FUT8: variants seen among roughly 807,000 people sequenced by gnomAD.
FUT8 encodes the protein fucosyltransferase 8.
Under a neutral mutation model 71.3 loss-of-function variants are expected in FUT8, and 29 were observed. The observed-to-expected ratio is 0.41, with a 90% CI of 0.30 to 0.55. The LOEUF (loss-of-function observed/expected upper bound fraction) is 0.55, where lower values mean the gene tolerates loss of function less well. FUT8 is among the 20% of genes least tolerant of loss of function. The pLI, the probability that FUT8 is intolerant of heterozygous loss-of-function variation, is 0.34. For missense variants in FUT8, 544 were observed against 702.1 expected, an observed-to-expected ratio of 0.77 and a Z score of 2.55; for synonymous variants, 254 against 239.3, an observed-to-expected ratio of 1.06 and a Z score of -0.57.
the FUT8 span, among the ~76,000 whole-genome samples, chr14:65,369,600 C>A: frequency 5.3e-5 from 8 of 152,182 alleles, no homozygotes; most frequent in African/African-American, 1.9e-4. The surrounding 1 kb of genome is among the most constrained non-coding windows in gnomAD (Gnocchi z 4.6). Flanking sequence ...ACAAAAGTGA[C>A]CTCTGGTCCT....
In FUT8 at chr14:65,489,425, A is replaced by G. The variant is rs2066453081; in HGVS notation, c.-228+33707A>G. Among the ~76,000 whole-genome samples, 1 of 152,150 alleles carries G rather than the reference A, an allele frequency of 6.6e-6. No homozygotes were observed. Among genetic ancestry groups the G allele is most frequent in the South Asian group, 2.1e-4 (1 of 4,828 alleles). ...TTAGCCTTTTTTATTTCTCCCTAAA[A>G]GTATTGATGTTTTTATAGGAATCTC... On this transcript the variant is annotated intron_variant, in intron 2 of 10. Transcript: ENST00000673929. The surrounding 1 kb of genome is among the most constrained non-coding windows in gnomAD (Gnocchi z 4.0).
At chr14:65,478,622 G>A (rs1470359495) in intron 2 of FUT8, among the ~76,000 whole-genome samples, 1 of 152,108 alleles carries the variant, frequency 6.6e-6, no homozygotes, top group Non-Finnish European at 1.5e-5. Context: ...ACTAGGCTGG[G>A]TGGCTCTAGC....
chr14:65,616,037 A>G lies in FUT8; in HGVS notation c.263A>G (p.Glu88Gly). 6.2e-7 allele frequency: 1 copy of G among 1,614,086 alleles called. No individual in the cohort carries two copies. Among genetic ancestry groups the G allele is most frequent in the Middle Eastern group, 1.6e-4 (1 of 6,062 alleles). ...ATAGGAAGAGTACGCGTTTTAGAAG[A>G]GCAGCTTGTTAAGGCCAAAGAACAG... Reference protein sequence around the residue: ...PAIGRVRVLEEQLVKAKEQIE... With the variant: ...PAIGRVRVLEGQLVKAKEQIE... The change falls in exon 4 of 11, where the codon GAG becomes GGG. Residue 88 changes from glutamate (E) to glycine (G), a missense_variant. Transcript: ENST00000673929.
intron 3 of FUT8, among the ~76,000 whole-genome samples, chr14:65,582,347 A>C (rs1332793756): frequency 6.6e-6 from 1 of 152,154 alleles, no homozygotes; most frequent in Admixed American, 6.5e-5. Context: ...AGACAAATTT[A>C]TAATGTTGGC....
intron 2 of FUT8, among the ~76,000 whole-genome samples, chr14:65,465,187 G>A (rs1294628136): frequency 2.6e-5 from 4 of 151,984 alleles, no homozygotes; most frequent in African/African-American, 9.7e-5. Flanking sequence ...GTTTTCTTCT[G>A]CTTCCTTTGG....
chr14:65,396,269 C>T, the FUT8 span, among the ~76,000 whole-genome samples: 87,250 of 151,984 alleles, frequency 0.57, 25,427 homozygotes, highest in East Asian at 0.77. The surrounding 1 kb of genome is among the most constrained non-coding windows in gnomAD (Gnocchi z 5.5). Flanking sequence ...TCTTTATAGC[C>T]GCACCCCACT....
chr14:65,447,303 A>C (rs1030670923), intron 1 of FUT8, among the ~76,000 whole-genome samples: 4 of 151,972 alleles, frequency 2.6e-5, no homozygotes, highest in East Asian at 1.9e-4. Flanking sequence ...AAAAAAAAAA[A>C]AAAACCCAAA....
chr14:65,635,193 G>A lies in FUT8; in HGVS notation c.597+5587G>A, dbSNP rs1023381849. The stretch of plus-strand genomic sequence containing the variant: ...CTACTGATTTGTGTATGTTAATGTT[G>A]TTTCCGTAAACTCTACTGAATTCTT... On this transcript the variant is annotated intron_variant, in intron 6 of 10. Coordinates refer to ENST00000673929, the MANE Select transcript of FUT8 (RefSeq NM_001371533.1). 2.6e-5 allele frequency among the ~76,000 whole-genome samples: 4 copies of A among 152,210 alleles called. No individual in the cohort carries two copies. The East Asian group carries it at 7.7e-4, about 29-fold the overall frequency.
chr14:65,488,010 A>G (rs1248500683), intron 2 of FUT8, among the ~76,000 whole-genome samples: 1 of 151,992 alleles, frequency 6.6e-6, no homozygotes, highest in African/African-American at 2.4e-5. Flanking sequence ...TTTTTTAGAC[A>G]TGGGTCTTGC....
At chr14:65,581,323 A>G (rs972835012) in intron 3 of FUT8, among the ~76,000 whole-genome samples, 29 of 152,118 alleles carry the variant, frequency 1.9e-4, no homozygotes, top group African/African-American at 7.0e-4. Context: ...TCATAACAGA[A>G]TAAGAAGACT....
chr14:65,475,728 C>G (rs1476992297), intron 2 of FUT8, among the ~76,000 whole-genome samples: 1 of 151,644 alleles, frequency 6.6e-6, no homozygotes, highest in African/African-American at 2.4e-5. Flanking sequence ...AGCTCAGGCT[C>G]TATATGGTAG....
rs1262466417 is a variant in FUT8, at chr14:65,574,910, A to G, written c.203+13144A>G. Among the ~76,000 whole-genome samples, 1 of 152,162 alleles carries G rather than the reference A, an allele frequency of 6.6e-6. No individual in the cohort carries two copies. The highest frequency in any genetic ancestry group is 1.5e-5 in the Non-Finnish European group (1 of 68,032). On this transcript the variant is annotated intron_variant, in intron 3 of 10. Transcript: ENST00000673929. The surrounding 1 kb of genome is among the most constrained non-coding windows in gnomAD (Gnocchi z 5.2). ...TGGCTTGAAGGCAGGGTTGCTGAAC[A>G]GATACTTCATTTATTTCGTTGATGT...
At chr14:65,363,390 G>T in the FUT8 span, among the ~76,000 whole-genome samples, 1 of 151,918 alleles carries the variant, frequency 6.6e-6, no homozygotes, top group African/African-American at 2.4e-5. Flanking sequence ...CAAAGTGCTG[G>T]GATTACAGGC....
chr14:65,580,369 T>C lies in FUT8; in HGVS notation c.203+18603T>C, dbSNP rs144603242. 3.3e-3 allele frequency among the ~76,000 whole-genome samples: 497 copies of C among 151,748 alleles called. 19 individuals are homozygous for C. In the East Asian group the frequency reaches 0.08, roughly 24 times the overall value. On this transcript the variant is annotated intron_variant, in intron 3 of 10. Coordinates refer to ENST00000673929, the MANE Select transcript of FUT8 (RefSeq NM_001371533.1). The stretch of plus-strand genomic sequence containing the variant: ...AAGGTACAGTAAAAATATAATCTTG[T>C]GGGCCTACTGTTATATATGCGGTCC...
intron 2 of FUT8, among the ~76,000 whole-genome samples, chr14:65,487,958 G>C (rs902302113): frequency 6.6e-6 from 1 of 152,124 alleles, no homozygotes; most frequent in Non-Finnish European, 1.5e-5. Context: ...CTCCTGAGTA[G>C]CTAGGACTAC....
In FUT8 at chr14:65,631,243, C is replaced by G. The variant is rs1192974314; in HGVS notation, c.597+1637C>G. On this transcript the variant is annotated intron_variant, in intron 6 of 10. Coordinates refer to ENST00000673929, the MANE Select transcript of FUT8 (RefSeq NM_001371533.1). ...TTTAAAATGGAAATAACTGTGGTTT[C>G]TGAGCTTCCTCCATTTCCTCTTATT... 2.6e-5 allele frequency among the ~76,000 whole-genome samples: 4 copies of G among 152,332 alleles called. No individual in the cohort carries two copies. The East Asian group carries it at 7.7e-4, about 29-fold the overall frequency.
intron 7 of FUT8, among the ~76,000 whole-genome samples, chr14:65,692,284 C>T (rs1893661539): frequency 6.6e-6 from 1 of 151,214 alleles, no homozygotes. Flanking sequence ...AGAGGGGCTC[C>T]TCACTTCCCA....
intron 3 of FUT8, among the ~76,000 whole-genome samples, chr14:65,602,339 TCTCTCACACACACACACA>T (rs55708319): frequency 0.27 from 23,999 of 88,078 alleles, 4,197 homozygotes; most frequent in Non-Finnish European, 0.34. Context: ...TAGCGTTCCA[TCTCTCACACACACACACA>T]CACACACACA....
chr14:65,484,021 C>G (rs2066371683), intron 2 of FUT8, among the ~76,000 whole-genome samples: 2 of 152,282 alleles, frequency 1.3e-5, no homozygotes, highest in African/African-American at 4.8e-5. Flanking sequence ...GCCACCACAC[C>G]CGGCCAATAA....
Sources: gnomAD v4.1 joint callset for allele counts (sites outside exome capture counted in the v4.1 genomes callset) on GRCh38, gnomAD v4.1.1 for gene constraint, Gnocchi (gnomAD v3.1) non-coding constraint, MANE v1.5 for transcripts, NCBI Gene and HGNC (gene_info 2026-07-23, HGNC 2026-07-21) for gene names.